Variants in ATP13A4 observed in about 807,000 individuals in gnomAD.
The protein encoded by ATP13A4 is ATPase 13A4, also known as probable cation-transporting ATPase 13A4.
ATP13A4 carries 114 observed loss-of-function variants against 142.5 expected under a neutral mutation model. That is an observed-to-expected ratio of 0.80 (90% CI 0.69 to 0.93). The LOEUF (loss-of-function observed/expected upper bound fraction) is 0.93, where lower values mean the gene tolerates loss of function less well. Ranked by LOEUF, ATP13A4 falls within the 40% of genes least tolerant of loss-of-function variation. The pLI is 0.00. For synonymous variants in ATP13A4, 488 were observed against 514.8 expected (o/e 0.95, Z 0.70); for missense variants, 1,392 against 1,454.0 (o/e 0.96, Z 0.69).
chr3:193,467,528 T>C, intron 9 of ATP13A4, 42 bp from the exon 10 acceptor site: 2 of 1,591,254 alleles, frequency 1.3e-6, no homozygotes, highest in Non-Finnish European at 1.7e-6. Context: ...CAGGATGGCT[T>C]CCCTCATTTA....
At chr3:193,483,514 G>C (rs1719416338) in intron 8 of ATP13A4, among the ~76,000 whole-genome samples, 1 of 152,136 alleles carries the variant, frequency 6.6e-6, no homozygotes, top group South Asian at 2.1e-4. Flanking sequence ...ACCCAGGCTG[G>C]AGTACAGTGG....
chr3:193,502,775 T>A (rs1720626135), intron 2 of ATP13A4, 136 bp from the exon 3 acceptor site: 8 of 950,272 alleles, frequency 8.4e-6, no homozygotes, highest in Non-Finnish European at 1.3e-5. Context: ...ACGGTTTGTC[T>A]CTGAAAGATG....
chr3:193,477,971 G>GA (rs1410737236), intron 8 of ATP13A4, among the ~76,000 whole-genome samples: 2 of 151,788 alleles, frequency 1.3e-5, no homozygotes, highest in African/African-American at 4.8e-5. Context: ...AAATAAATCA[G>GA]AAAAAATGTG....
chr3:193,570,149 CA>C (rs1177670869), intron 2 of ATP13A4, among the ~76,000 whole-genome samples: 2 of 151,900 alleles, frequency 1.3e-5, no homozygotes, highest in African/African-American at 4.8e-5. Context: ...CAAAACAAAA[CA>C]AAAAAATTAA....
intron 1 of ATP13A4, among the ~76,000 whole-genome samples, chr3:193,530,081 T>TTTAA (rs1409388573): frequency 1.3e-5 from 2 of 152,170 alleles, no homozygotes; most frequent in Non-Finnish European, 2.9e-5. Flanking sequence ...TTTTCCTCAG[T>TTTAA]TTAATCAGTG....
intron 1 of ATP13A4, among the ~76,000 whole-genome samples, chr3:193,592,349 G>T (rs1724840967): frequency 6.6e-6 from 1 of 152,266 alleles, no homozygotes; most frequent in Middle Eastern, 3.4e-3. Context: ...AGCTCAAGAT[G>T]GCTGAGATCT....
Position 193,401,765 on chromosome 3 carries a change from G to C in ATP13A4, c.*887C>G, listed in dbSNP as rs1309592452. 6.6e-6 allele frequency among the ~76,000 whole-genome samples: 1 copy of C among 152,164 alleles called. No individual in the cohort carries two copies. The highest frequency in any genetic ancestry group is 1.5e-5 in the Non-Finnish European group (1 of 68,032). On this transcript the variant is annotated 3_prime_UTR_variant, in exon 30 of 30. Coordinates refer to ENST00000342695, the MANE Select transcript of ATP13A4 (RefSeq NM_032279.4). ...CAAGTGTGGGGACCTTCTAAGCATG[G>C]GGCCCTGTGTAGTGACAGCTCATAA...
At chr3:193,431,528 G>T (rs1715970266) in intron 25 of ATP13A4, among the ~76,000 whole-genome samples, 1 of 151,828 alleles carries the variant, frequency 6.6e-6, no homozygotes, top group Non-Finnish European at 1.5e-5. Flanking sequence ...TACTCCAAAA[G>T]TTAGAGAACA....
chr3:193,447,002 T>C (rs994894327), intron 18 of ATP13A4, among the ~76,000 whole-genome samples: 4 of 152,260 alleles, frequency 2.6e-5, no homozygotes, highest in Non-Finnish European at 4.4e-5. Context: ...ATGTAAGAAA[T>C]CTAAGAGCAC....
rs1485431916 is a variant in ATP13A4, at chr3:193,412,257, G to A, written c.3129C>T (p.Phe1043=). 31 of 1,613,372 alleles carry A rather than the reference G, an allele frequency of 1.9e-5. No individual in the cohort carries two copies. The highest frequency in any genetic ancestry group is 2.4e-5 in the Non-Finnish European group (28 of 1,179,474). Residue 1043 remains phenylalanine, a synonymous_variant, in exon 27 of 30, where the codon TTC becomes TTT. Transcript: ENST00000342695. ...FTSFENTTVW[F]LGTINCITVA... ...CAGTGATACAGTTGATTGTTCCCAA[G>A]AACCAGACTGTAGTGTTCTCAAAAC...
At chr3:193,442,920 T>C (rs1463686454) in intron 18 of ATP13A4, among the ~76,000 whole-genome samples, 1 of 152,210 alleles carries the variant, frequency 6.6e-6, no homozygotes, top group Non-Finnish European at 1.5e-5. Flanking sequence ...GTAAACCCAC[T>C]AGGATGTATC....
intron 1 of ATP13A4, among the ~76,000 whole-genome samples, chr3:193,537,526 G>A (rs1010805606): frequency 6.6e-6 from 1 of 152,112 alleles, no homozygotes; most frequent in East Asian, 1.9e-4. Context: ...AGAGTTCCTA[G>A]ACTTGAAAAC....
At chr3:193,489,144 C>T (rs535196183) in intron 7 of ATP13A4, among the ~76,000 whole-genome samples, 1 of 152,256 alleles carries the variant, frequency 6.6e-6, no homozygotes, top group South Asian at 2.1e-4. Flanking sequence ...GGCTTGAAAC[C>T]TTAATTTCAG....
At chr3:193,416,107 A>C (rs1715048531) in intron 25 of ATP13A4, among the ~76,000 whole-genome samples, 1 of 152,208 alleles carries the variant, frequency 6.6e-6, no homozygotes, top group Non-Finnish European at 1.5e-5. Context: ...ATCTCTATCA[A>C]AACATTAGCT....
At chr3:193,532,579 T>A (rs781275429) in intron 1 of ATP13A4, among the ~76,000 whole-genome samples, 1 of 151,820 alleles carries the variant, frequency 6.6e-6, no homozygotes, top group Non-Finnish European at 1.5e-5. Context: ...GGCATTCTTG[T>A]ACAAAATTGA....
intron 3 of ATP13A4, among the ~76,000 whole-genome samples, chr3:193,502,122 A>G (rs1560236899): frequency 6.6e-6 from 1 of 152,252 alleles, no homozygotes; most frequent in Non-Finnish European, 1.5e-5. Flanking sequence ...CCTGGGCAAC[A>G]TAGTGAGATC....
At position 193,592,991 on chromosome 3, in the gene ATP13A4, C is replaced by G. The variant is rs901704003; in HGVS notation, n.91+30G>C. The stretch of plus-strand genomic sequence containing the variant: ...TAGCCCTTCCCGTTCCCGCCCAACT[C>G]TCGCTCCCTCCCCTGGCCAAATCTC... On this transcript the variant is annotated intron_variant and non_coding_transcript_variant, in intron 1 of 3. Transcript: ENST00000489140. The G allele has an allele frequency of 1.6e-5, 4 of 242,472 alleles. No individual in the cohort carries two copies. The Admixed American group carries it at 2.2e-4, about 14-fold the overall frequency. The allele number at this position is 242,472 out of a possible 1,614,324, so 15.0% of individuals were successfully genotyped here. A position where few individuals can be genotyped will look rare whatever the true frequency, so the allele number is the denominator to read the frequency against.
At chr3:193,472,985 T>C (rs1718710739) in intron 8 of ATP13A4, among the ~76,000 whole-genome samples, 1 of 152,246 alleles carries the variant, frequency 6.6e-6, no homozygotes, top group Non-Finnish European at 1.5e-5. Context: ...TAAGAATATA[T>C]AAACATGTTT....
chr3:193,441,708 ATTCC>A, intron 19 of ATP13A4, 120 bp from the exon 20 acceptor site: 8 of 1,237,252 alleles, frequency 6.5e-6, no homozygotes, highest in Non-Finnish European at 9.3e-6. Context: ...AGTCACTCTG[ATTCC>A]TCAGAGAAGC....
Sources: gnomAD v4.1 joint callset for allele counts (sites outside exome capture counted in the v4.1 genomes callset) on GRCh38, gnomAD v4.1.1 for gene constraint, MANE v1.5 for transcripts, NCBI Gene and HGNC (gene_info 2026-07-23, HGNC 2026-07-21) for gene names.